RP1L1: variants seen among roughly 807,000 people sequenced by gnomAD.
The protein encoded by RP1L1 is retinitis pigmentosa 1-like 1 protein.
Under a neutral mutation model 15.7 loss-of-function variants are expected in RP1L1, and 27 were observed. The observed-to-expected ratio is 1.72, with a 90% confidence interval of 1.27 to 2.38. RP1L1 has a LOEUF of 2.38. Among genes scored for constraint, RP1L1 ranks in the 30% most tolerant of loss-of-function variants. RP1L1 has a pLI of 0.00. For missense variants in RP1L1, 4,798 were observed against 3,075.9 expected (o/e 1.56, Z -13.24); for synonymous variants, 1,813 against 1,276.7 (o/e 1.42, Z -8.96).
chr8:10,616,731 C>T (rs951081666), intron 2 of RP1L1, 144 bp from the exon 3 acceptor site: 1 of 901,000 alleles, frequency 1.1e-6, no homozygotes, highest in Non-Finnish European at 1.6e-6. Flanking sequence ...AAGGAGGGGT[C>T]TTATCCACTC....
Position 10,607,635 on chromosome 8 carries a change from C to A in RP1L1, c.6463G>T (p.Gly2155Trp), listed in dbSNP as rs369825372. 6.3e-7 allele frequency: 1 copy of A among 1,596,278 alleles called. No individual in the cohort carries two copies. The highest frequency in any genetic ancestry group is 1.1e-5 in the South Asian group (1 of 89,648). The change falls in exon 4 of 4, where the codon GGG (glycine) becomes TGG (tryptophan). Residue 2155 changes from glycine to tryptophan, a missense_variant. Coordinates refer to ENST00000382483, the MANE Select transcript of RP1L1 (RefSeq NM_178857.6). Reference sequence around the variant, plus strand: ...CCTTCTGACTCTGGCTGGGCCTCCCCTTCTGCATCCTGGGCCTCTACACCT... The same window carrying A: ...CCTTCTGACTCTGGCTGGGCCTCCCATTCTGCATCCTGGGCCTCTACACCT... ...SEGVEAQDAE[G>W]EAQPESEGIE...
At chr8:10,613,829 T>C (rs978643142) in intron 3 of RP1L1, among the ~76,000 whole-genome samples, 1 of 151,884 alleles carries the variant, frequency 6.6e-6, no homozygotes, top group Non-Finnish European at 1.5e-5. Context: ...GGCAGAGCTA[T>C]TCTAGAATGA....
In RP1L1 at chr8:10,611,668, A is replaced by G. The variant is rs767216282; in HGVS notation, c.2430T>C (p.Val810=). ...PQPSSPLVLQ[V]GRPEQGAVGP... ...CCACCGCCCCTTGCTCAGGCCGTCCAACCTGCAGAACCAAGGGTGAGGAGG... is the reference window on the plus strand; with the variant it reads ...CCACCGCCCCTTGCTCAGGCCGTCCGACCTGCAGAACCAAGGGTGAGGAGG... The change falls in exon 4 of 4, where the codon GTT becomes GTC. Residue 810 remains valine, a synonymous_variant. Coordinates refer to ENST00000382483, the MANE Select transcript of RP1L1 (RefSeq NM_178857.6). 2 of 1,613,130 alleles carry G rather than the reference A, an allele frequency of 1.2e-6. No homozygotes were observed. Among genetic ancestry groups the G allele is most frequent in the African/African-American group, 2.7e-5 (2 of 74,914 alleles).
At chr8:10,632,037 G>C (rs559896218) in intron 1 of RP1L1, among the ~76,000 whole-genome samples, 62 of 152,304 alleles carry the variant, frequency 4.1e-4, no homozygotes, top group African/African-American at 1.2e-3. Context: ...GGTGGGCAGT[G>C]GGGGAGGGAG....
rs1288132145 is a variant in RP1L1, at chr8:10,612,530, G to T, written c.1568C>A (p.Pro523Gln). Residue 523 changes from proline to glutamine, a missense_variant, in exon 4 of 4, where the codon CCG (proline) becomes CAG (glutamine). Coordinates refer to ENST00000382483, the MANE Select transcript of RP1L1 (RefSeq NM_178857.6). ...AGCCCCCTCCTCACTCCGGGCCCTCGGTGTCAGGCGGCCGCCTTGCTCTGG... is the reference window on the plus strand; with the variant it reads ...AGCCCCCTCCTCACTCCGGGCCCTCTGTGTCAGGCGGCCGCCTTGCTCTGG... ...GGPEQGGRLT[P>Q]RARSEEGASS... 8.1e-6 allele frequency: 13 copies of T among 1,610,550 alleles called. No individual in the cohort carries two copies. Among genetic ancestry groups the T allele is most frequent in the Non-Finnish European group, 9.3e-6 (11 of 1,179,566 alleles).
At position 10,608,499 on chromosome 8, in the gene RP1L1, C is replaced by G; in HGVS notation, c.5599G>C (p.Ala1867Pro). Residue 1867 changes from alanine (A) to proline (P), a missense_variant, in exon 4 of 4, where the codon GCC becomes CCC. Transcript: ENST00000382483. ...TCTACATCTTCTGACTCTGGCTGGG[C>G]CTCCCCTTCAGCCTCCTGGGCATCC... ...EGDAQEAEGE[A>P]QPESEDVEAP... 1 of 1,312,754 alleles carries G rather than the reference C, an allele frequency of 7.6e-7. No homozygotes were observed. The highest frequency in any genetic ancestry group is 1.1e-6 in the Non-Finnish European group (1 of 928,302). The allele number at this position is 1,312,754 out of a possible 1,614,324, so 81.3% of individuals were successfully genotyped here. A position where few individuals can be genotyped will look rare whatever the true frequency, so the allele number is the denominator to read the frequency against.
chr8:10,642,826 C>T (rs895745520), intron 1 of RP1L1, among the ~76,000 whole-genome samples: 5 of 151,998 alleles, frequency 3.3e-5, no homozygotes, highest in Non-Finnish European at 5.9e-5. Flanking sequence ...CATTAGAAAG[C>T]TCTGGAGAAA....
At chr8:10,616,650 T>C in intron 2 of RP1L1, 63 bp from the exon 3 acceptor site, 4 of 1,538,446 alleles carry the variant, frequency 2.6e-6, no homozygotes, top group Non-Finnish European at 3.5e-6. Context: ...CCCTGAGGCC[T>C]GGGGGAGGAA....
At chr8:10,647,395 T>A (rs535658050) in intron 1 of RP1L1, among the ~76,000 whole-genome samples, 1 of 152,290 alleles carries the variant, frequency 6.6e-6, no homozygotes, top group South Asian at 2.1e-4. Flanking sequence ...CCCAGTGGCA[T>A]CAAGCACATT....
At chr8:10,614,657 T>C (rs1238322653) in intron 3 of RP1L1, among the ~76,000 whole-genome samples, 1 of 104,092 alleles carries the variant, frequency 9.6e-6, no homozygotes, top group Non-Finnish European at 1.8e-5. Context: ...TAAGATTCTG[T>C]CGTCAAAAAA....
intron 1 of RP1L1, among the ~76,000 whole-genome samples, chr8:10,652,889 G>A (rs1420155086): frequency 6.6e-6 from 1 of 152,178 alleles, no homozygotes; most frequent in Non-Finnish European, 1.5e-5. Flanking sequence ...CCTAGCTAAT[G>A]TTACCTAAAG....
intron 1 of RP1L1, among the ~76,000 whole-genome samples, chr8:10,633,933 G>C (rs1024069560): frequency 6.6e-6 from 1 of 152,132 alleles, no homozygotes; most frequent in African/African-American, 2.4e-5. Flanking sequence ...GGGAACCCAG[G>C]CTTCAGGACT....
In RP1L1 at chr8:10,608,946, T is replaced by C; in HGVS notation, c.5152A>G (p.Thr1718Ala). 6.2e-7 allele frequency: 1 copy of C among 1,613,918 alleles called. No homozygotes were observed. Among genetic ancestry groups the C allele is most frequent in the East Asian group, 2.2e-5 (1 of 44,852 alleles). ...GCTCCCTGGACAGTCCTAGTGCTCGTGGGGTCCGTGTGGGTCTTGCCAGGG... is the reference window on the plus strand; with the variant it reads ...GCTCCCTGGACAGTCCTAGTGCTCGCGGGGTCCGTGTGGGTCTTGCCAGGG... ...VAPGKTHTDP[T>A]STRTVQGAEG... The change falls in exon 4 of 4, where the codon ACG becomes GCG. Residue 1718 changes from threonine (T) to alanine (A), a missense_variant. Coordinates refer to ENST00000382483, the MANE Select transcript of RP1L1 (RefSeq NM_178857.6).
At position 10,606,866 on chromosome 8, in the gene RP1L1, C is replaced by A; in HGVS notation, c.*29G>T. On this transcript the variant is annotated 3_prime_UTR_variant, in exon 4 of 4. Coordinates refer to ENST00000382483, the MANE Select transcript of RP1L1 (RefSeq NM_178857.6). ...TATGAATAAAAACAGAGCTCCCAAGCTCGTGATTGTTTTCTAGCTTGATCT... is the reference window on the plus strand; with the variant it reads ...TATGAATAAAAACAGAGCTCCCAAGATCGTGATTGTTTTCTAGCTTGATCT... 1.2e-6 allele frequency: 2 copies of A among 1,613,560 alleles called. No individual in the cohort carries two copies.
chr8:10,617,676 C>T (rs1797992363), intron 2 of RP1L1, among the ~76,000 whole-genome samples: 1 of 150,684 alleles, frequency 6.6e-6, no homozygotes, highest in Non-Finnish European at 1.5e-5. Flanking sequence ...CCTGCCTCAG[C>T]CTCCGGAGTA....
At chr8:10,631,681 G>T (rs1019875907) in intron 1 of RP1L1, among the ~76,000 whole-genome samples, 2 of 152,168 alleles carry the variant, frequency 1.3e-5, no homozygotes, top group African/African-American at 4.8e-5. Flanking sequence ...AGCAAGGCTG[G>T]AGCTGGCTCT....
At position 10,610,650 on chromosome 8, in the gene RP1L1, G is replaced by C. The variant is rs759190301; in HGVS notation, c.3448C>G (p.Leu1150Val). 5.0e-6 allele frequency: 8 copies of C among 1,612,170 alleles called. No individual in the cohort carries two copies. The highest frequency in any genetic ancestry group is 5.9e-6 in the Non-Finnish European group (7 of 1,179,282). The change falls in exon 4 of 4, where the codon CTG becomes GTG. Residue 1150 changes from leucine (L) to valine (V), a missense_variant. By Grantham distance (32) the Leu-to-Val change is conservative. Coordinates refer to ENST00000382483, the MANE Select transcript of RP1L1 (RefSeq NM_178857.6). ...CACAGGTCCTTCGAGATGCTGAGCAGCTCCTGGTACCGAGGGGAGTCTTTG... is the reference window on the plus strand; with the variant it reads ...CACAGGTCCTTCGAGATGCTGAGCACCTCCTGGTACCGAGGGGAGTCTTTG... ...RFKDSPRYQE[L>V]LSISKDLWPG...
intron 1 of RP1L1, among the ~76,000 whole-genome samples, chr8:10,647,695 A>T (rs1041999496): frequency 3.9e-5 from 6 of 152,198 alleles, no homozygotes; most frequent in African/African-American, 1.4e-4. Flanking sequence ...GCTGAATAAT[A>T]TTCCACCTCA....
intron 1 of RP1L1, among the ~76,000 whole-genome samples, chr8:10,653,896 G>A (rs78576015): frequency 6.6e-6 from 1 of 152,154 alleles, no homozygotes; most frequent in Non-Finnish European, 1.5e-5. Context: ...CCCAGGGAAG[G>A]AGTCCTGGTG....
Sources: allele counts gnomAD v4.1 joint callset (sites outside exome capture counted in the v4.1 genomes callset), GRCh38; gene constraint gnomAD v4.1.1; transcripts MANE v1.5; gene names NCBI Gene and HGNC (gene_info 2026-07-23, HGNC 2026-07-21).